Variants in SF3B1 observed in about 807,000 individuals in gnomAD.
SF3B1 encodes splicing factor 3b subunit 1, also known as pre-mRNA processing 10.
A neutral mutation model predicts 153.8 loss-of-function variants in SF3B1; 12 were observed. That is an observed-to-expected ratio of 0.08 (90% CI 0.05 to 0.13). SF3B1 has a LOEUF of 0.13. Among genes scored for constraint, SF3B1 ranks in the 10% least tolerant of loss-of-function variants. The pLI is 1.00. For synonymous variants in SF3B1, 498 were observed against 525.2 expected (o/e 0.95, Z 0.71); for missense variants, 513 against 1,606.1 (o/e 0.32, Z 11.63).
chr2:197,428,830 G>C (rs570494663), intron 1 of SF3B1, among the ~76,000 whole-genome samples: 2 of 152,236 alleles, frequency 1.3e-5, no homozygotes, highest in East Asian at 3.9e-4. Flanking sequence ...GGGAGGTGGA[G>C]GTTGCAGTGA....
chr2:197,408,182 A>C, intron 8 of SF3B1, 63 bp from the exon 9 acceptor site: 1 of 1,452,286 alleles, frequency 6.9e-7, no homozygotes, highest in East Asian at 2.3e-5. Flanking sequence ...ACATACATTG[A>C]GATAAAAGAC....
intron 20 of SF3B1, 89 bp from the exon 21 acceptor site, chr2:197,398,670 G>A: frequency 2.5e-6 from 3 of 1,204,048 alleles, no homozygotes; most frequent in Non-Finnish European, 3.6e-6. Context: ...ATATGACTAT[G>A]TATAAATATA....
At chr2:197,393,575 C>T (rs1332258199) in intron 23 of SF3B1, among the ~76,000 whole-genome samples, 2 of 151,926 alleles carry the variant, frequency 1.3e-5, no homozygotes, top group Admixed American at 1.3e-4. Context: ...GCCTCAGCCT[C>T]CTGAGTAGCT....
At chr2:197,398,339 C>T in intron 21 of SF3B1, 122 bp downstream of exon 21, 8 of 1,110,414 alleles carry the variant, frequency 7.2e-6, no homozygotes, top group Non-Finnish European at 1.1e-5. Flanking sequence ...AATATTAATA[C>T]TGGATAGCCT....
Position 197,402,317 on chromosome 2 carries a change from A to G in SF3B1, c.2078-187T>C, listed in dbSNP as rs1458368373. On this transcript the variant is annotated intron_variant, in intron 14 of 24. Transcript: ENST00000335508. This position sits in a 1 kb window ranked among gnomAD's most constrained non-coding sequence, Gnocchi z 4.6. ...AGATAATATAACAAACCCATCATAA[A>G]ATCTATAGTTTGTAGAGCTATGCCT... 5 of 744,030 alleles carry G rather than the reference A, an allele frequency of 6.7e-6. No homozygotes were observed. In the East Asian group the frequency reaches 1.3e-4, roughly 20 times the overall value. 46.1% of individuals were successfully genotyped at this position (744,030 alleles called of 1,614,324 possible).
intron 5 of SF3B1, among the ~76,000 whole-genome samples, 194 bp downstream of exon 5, chr2:197,418,315 C>A (rs2085187761): frequency 7.1e-6 from 1 of 140,576 alleles, no homozygotes; most frequent in Admixed American, 7.7e-5. Context: ...GGGCCCAGGA[C>A]TAGAAAAGGA....
chr2:197,404,092 T>C (rs941519948), intron 11 of SF3B1, among the ~76,000 whole-genome samples: 7 of 152,218 alleles, frequency 4.6e-5, no homozygotes, highest in African/African-American at 1.7e-4. Context: ...ACTAATTATC[T>C]TCAAGCTTTA....
chr2:197,391,732 G>T lies in SF3B1; in HGVS notation c.*571C>A, dbSNP rs752284909. On this transcript the variant is annotated 3_prime_UTR_variant, in exon 25 of 25. Transcript: ENST00000335508. ...TTTAGCAAAAGTGCTACTTTTCTAC[G>T]ATGATGGAATGGTTGTGCTAGTTTG... 1 of 152,746 alleles carries T rather than the reference G, an allele frequency of 6.5e-6. No homozygotes were observed. The highest frequency in any genetic ancestry group is 1.9e-4 in the East Asian group (1 of 5,290). 9.5% of individuals were successfully genotyped at this position (152,746 alleles called of 1,614,324 possible).
chr2:197,433,579 C>A (rs941939648), intron 1 of SF3B1, among the ~76,000 whole-genome samples: 1 of 152,164 alleles, frequency 6.6e-6, no homozygotes, highest in Non-Finnish European at 1.5e-5. Context: ...GCATTTAAAT[C>A]CTAAATACCT....
rs766162894 is a variant in SF3B1, at chr2:197,405,268, C to G, written c.1437+7G>C. On this transcript the variant is annotated splice_region_variant and intron_variant, in intron 10 of 24. Transcript: ENST00000335508. ...ATTAATAGTTTATTTCTGCTAGTAT[C>G]ACTTACCAATAGTTTATCAAAGTAT... is the stretch of plus-strand genomic sequence containing the variant. 2.5e-6 allele frequency: 4 copies of G among 1,603,096 alleles called. No homozygotes were observed. The highest frequency in any genetic ancestry group is 3.4e-6 in the Non-Finnish European group (4 of 1,170,320).
chr2:197,415,929 C>T (rs1293321404), intron 6 of SF3B1, among the ~76,000 whole-genome samples: 4 of 151,768 alleles, frequency 2.6e-5, no homozygotes, highest in Non-Finnish European at 5.9e-5. Flanking sequence ...CCCCCACCAC[C>T]CCCCATACCC....
Position 197,401,989 on chromosome 2 carries a change from C to T in SF3B1, c.2219G>A (p.Gly740Glu), listed in dbSNP as rs776846119. 6.2e-7 allele frequency: 1 copy of T among 1,611,502 alleles called. No individual in the cohort carries two copies. Among genetic ancestry groups the T allele is most frequent in the Non-Finnish European group, 8.5e-7 (1 of 1,179,370 alleles). ...AAAGGTAATTGGTGGATTTACCTTT[C>T]CTCTGTGTTGGCGGATACCCTTCCA... ...PLWKGIRQHR[G>E]KGLAAFLKAI... is the part of the protein sequence containing the mutation. Residue 740 changes from glycine (G) to glutamate (E), a missense_variant, in exon 15 of 25, where the codon GGA becomes GAA. Gly to Glu is a moderately conservative substitution (Grantham distance 98). Transcript: ENST00000335508. The surrounding 1 kb of genome is among the most constrained non-coding windows in gnomAD (Gnocchi z 4.2).
chr2:197,420,994 G>T, intron 3 of SF3B1, 35 bp downstream of exon 3: 1 of 1,341,992 alleles, frequency 7.5e-7, no homozygotes, highest in Non-Finnish European at 1.1e-6. Context: ...CTTTTCTTTA[G>T]CTGAATAAAC....
chr2:197,392,926 T>A (rs1295424922), intron 24 of SF3B1, 46 bp downstream of exon 24: 1 of 1,106,680 alleles, frequency 9.0e-7, no homozygotes, highest in South Asian at 1.4e-5. Context: ...TAAAGTATTA[T>A]TTAAAAAAAA....
chr2:197,417,018 C>G, intron 5 of SF3B1, 107 bp from the exon 6 acceptor site: 1 of 1,158,132 alleles, frequency 8.6e-7, no homozygotes, highest in Non-Finnish European at 1.2e-6. Flanking sequence ...TGCTCATTCT[C>G]TTTTCTATGT....
chr2:197,410,965 G>A (rs1442748854), intron 6 of SF3B1, among the ~76,000 whole-genome samples: 1 of 152,086 alleles, frequency 6.6e-6, no homozygotes, highest in African/African-American at 2.4e-5. Context: ...TTGACACAGG[G>A]TCTCACTCTG....
chr2:197,417,008 T>C (rs750018949), intron 5 of SF3B1, 97 bp from the exon 6 acceptor site: 60 of 1,243,116 alleles, frequency 4.8e-5, no homozygotes, highest in Non-Finnish European at 6.0e-5. Flanking sequence ...TTTTATACTT[T>C]GCTCATTCTC....
rs1000031555 is a variant in SF3B1 at position 197,390,201 on chromosome 2, A to G, written c.*2102T>C. On this transcript the variant is annotated 3_prime_UTR_variant, in exon 25 of 25. Coordinates refer to ENST00000335508, the MANE Select transcript of SF3B1 (RefSeq NM_012433.4). ...ATCCTCAAATTATTTGCATCAGTAAAAAAAGTTAATTAAGGTGTAACAGTC... is the reference window on the plus strand; with the variant it reads ...ATCCTCAAATTATTTGCATCAGTAAGAAAAGTTAATTAAGGTGTAACAGTC... 3.9e-5 allele frequency: 6 copies of G among 152,174 alleles called. No homozygotes were observed. The East Asian group carries it at 1.2e-3, about 29-fold the overall frequency. 9.4% of individuals were successfully genotyped at this position (152,174 alleles called of 1,614,324 possible). A position where few individuals can be genotyped will look rare whatever the true frequency, so the allele number is the denominator to read the frequency against.
At chr2:197,423,780 T>C in intron 2 of SF3B1, 28 bp downstream of exon 2, 5 of 1,603,406 alleles carry the variant, frequency 3.1e-6, no homozygotes, top group Non-Finnish European at 4.3e-6. Context: ...AAAAAATAAC[T>C]GCCTCTTGTA....
Sources: gnomAD v4.1 joint callset for allele counts (sites outside exome capture counted in the v4.1 genomes callset) on GRCh38, gnomAD v4.1.1 for gene constraint, Gnocchi (gnomAD v3.1) non-coding constraint, MANE v1.5 for transcripts, NCBI Gene and HGNC (gene_info 2026-07-23, HGNC 2026-07-21) for gene names.